Variants in PCDH7 observed in about 807,000 individuals in gnomAD.
PCDH7 encodes protocadherin 7, also known as protocadherin-7.
In PCDH7, 17 loss-of-function variants were observed where a neutral mutation model predicts 58.9. The observed-to-expected ratio is 0.29, with a 90% CI of 0.20 to 0.43. The LOEUF (loss-of-function observed/expected upper bound fraction) is 0.43. PCDH7 is among the 20% of genes least tolerant of loss of function. The probability of loss-of-function intolerance (pLI) is 1.00; values close to 1 mark genes in which losing one functional copy is unlikely to be tolerated. For missense variants in PCDH7, 1,274 were observed against 1,441.0 expected (o/e 0.88, Z 1.88); for synonymous variants, 664 against 616.4 (o/e 1.08, Z -1.14).
intron 1 of PCDH7, among the ~76,000 whole-genome samples, chr4:30,838,029 C>A (rs1000765414): frequency 1.3e-5 from 2 of 151,488 alleles, no homozygotes; most frequent in East Asian, 3.9e-4. Context: ...AGCGAAATAT[C>A]TTCTTCATCA....
chr4:31,130,345 T>A (rs1718826473), intron 3 of PCDH7, among the ~76,000 whole-genome samples: 1 of 152,150 alleles, frequency 6.6e-6, no homozygotes, highest in Non-Finnish European at 1.5e-5. Context: ...TGAAGTAGAA[T>A]TTTCAAAACT....
intron 2 of PCDH7, among the ~76,000 whole-genome samples, chr4:30,937,205 G>A (rs1181640975): frequency 6.6e-6 from 1 of 151,906 alleles, no homozygotes; most frequent in African/African-American, 2.4e-5. Flanking sequence ...AATATTCTCA[G>A]TAATGTTGGA....
chr4:30,749,297 T>C (rs1379599534), intron 1 of PCDH7, among the ~76,000 whole-genome samples: 2 of 152,224 alleles, frequency 1.3e-5, no homozygotes, highest in Admixed American at 6.6e-5. Context: ...ACTTTTTTCA[T>C]GGCACACATG....
intron 1 of PCDH7, among the ~76,000 whole-genome samples, chr4:30,836,139 A>C (rs1188689922): frequency 6.6e-6 from 1 of 152,212 alleles, no homozygotes; most frequent in Non-Finnish European, 1.5e-5. Flanking sequence ...GAGAGGGCAA[A>C]ACATGAAGAT....
chr4:30,770,572 G>C (rs1233394764), intron 1 of PCDH7, among the ~76,000 whole-genome samples: 1 of 152,178 alleles, frequency 6.6e-6, no homozygotes, highest in African/African-American at 2.4e-5. Context: ...ATTCACTGCA[G>C]TAACAGTAAC....
At chr4:31,034,734 T>C (rs1011884494) in intron 3 of PCDH7, among the ~76,000 whole-genome samples, 1 of 152,230 alleles carries the variant, frequency 6.6e-6, no homozygotes, top group Non-Finnish European at 1.5e-5. Flanking sequence ...TTCACTGACA[T>C]GGCAGACCCA....
chr4:30,898,277 G>T (rs1202889904), intron 1 of PCDH7, among the ~76,000 whole-genome samples: 2 of 152,100 alleles, frequency 1.3e-5, no homozygotes, highest in African/African-American at 4.8e-5. Flanking sequence ...TTTAAAACCC[G>T]AAGGAGTTTA....
rs538383279 is a variant in PCDH7 at position 31,048,867 on chromosome 4, G to C, written c.*8-93606G>C. The stretch of plus-strand genomic sequence containing the variant: ...ATTATATGAAAATGTTGTCATAGCA[G>C]AGCTCCACAATGTAAAAGGACAAAT... On this transcript the variant is annotated intron_variant, in intron 3 of 3. Coordinates refer to the PCDH7 transcript ENST00000509759. Among the ~76,000 whole-genome samples the C allele has an allele frequency of 8.5e-4, 129 of 152,184 alleles. 1 individual carries two copies. The highest frequency in any genetic ancestry group is 3.0e-3 in the African/African-American group (123 of 41,538).
intron 3 of PCDH7, among the ~76,000 whole-genome samples, chr4:31,096,172 A>G (rs1288131265): frequency 6.6e-6 from 1 of 152,200 alleles, no homozygotes; most frequent in African/African-American, 2.4e-5. Context: ...AATGATTTGC[A>G]TTATATGAAG....
intron 1 of PCDH7, chr4:30,725,151 T>C: frequency 1.0e-6 from 1 of 1,000,052 alleles, no homozygotes; most frequent in Non-Finnish European, 1.2e-6. Context: ...TTGATGAAAC[T>C]GCTGGTTTAA....
intron 3 of PCDH7, among the ~76,000 whole-genome samples, chr4:31,126,786 G>C (rs565850242): frequency 7.2e-5 from 11 of 152,110 alleles, no homozygotes; most frequent in Non-Finnish European, 1.0e-4. Flanking sequence ...AATTTTAAGT[G>C]TGCCATTTAA....
At chr4:30,761,921 C>G (rs1720080846) in intron 1 of PCDH7, among the ~76,000 whole-genome samples, 1 of 152,166 alleles carries the variant, frequency 6.6e-6, no homozygotes, top group South Asian at 2.1e-4. Context: ...TTTGATGTGA[C>G]CTCAGAGCAT....
At chr4:31,111,465 C>T (rs1208207744) in intron 3 of PCDH7, among the ~76,000 whole-genome samples, 3 of 152,022 alleles carry the variant, frequency 2.0e-5, no homozygotes, top group African/African-American at 7.2e-5. Context: ...CCCGCAACCA[C>T]ACCCAGATGA....
intron 3 of PCDH7, among the ~76,000 whole-genome samples, chr4:31,056,736 C>A (rs373043211): frequency 6.7e-6 from 1 of 149,632 alleles, no homozygotes; most frequent in Non-Finnish European, 1.5e-5. Flanking sequence ...GAAAGAGAAA[C>A]GAAAGCAAAG....
intron 1 of PCDH7, among the ~76,000 whole-genome samples, chr4:30,803,041 G>A (rs1041074103): frequency 6.6e-6 from 1 of 152,024 alleles, no homozygotes; most frequent in Non-Finnish European, 1.5e-5. Context: ...TTTATCAGGG[G>A]GATCAAAATT....
At chr4:31,102,775 T>A (rs1278806949) in intron 3 of PCDH7, among the ~76,000 whole-genome samples, 2 of 152,192 alleles carry the variant, frequency 1.3e-5, no homozygotes, top group African/African-American at 4.8e-5. Context: ...TACACATAAT[T>A]TGTACATGTA....
At chr4:30,922,604 T>C (rs1366682941) in intron 2 of PCDH7, among the ~76,000 whole-genome samples, 1 of 152,094 alleles carries the variant, frequency 6.6e-6, no homozygotes, top group African/African-American at 2.4e-5. Context: ...TAATAAAATA[T>C]AAAGTATACT....
intron 3 of PCDH7, among the ~76,000 whole-genome samples, chr4:31,056,514 A>G (rs899458747): frequency 2.0e-5 from 2 of 102,506 alleles, no homozygotes; most frequent in African/African-American, 3.9e-5. Context: ...AGAAAGAAAG[A>G]AAGGGGAAGG....
intron 2 of PCDH7, among the ~76,000 whole-genome samples, chr4:30,922,430 C>A (rs1392220986): frequency 1.3e-5 from 2 of 151,840 alleles, no homozygotes; most frequent in South Asian, 2.1e-4. Context: ...GCATTATAAT[C>A]ATTTTTTAAT....
Sources: allele counts gnomAD v4.1 joint callset (sites outside exome capture counted in the v4.1 genomes callset), GRCh38; gene constraint gnomAD v4.1.1; transcripts MANE v1.5; gene names NCBI Gene and HGNC (gene_info 2026-07-23, HGNC 2026-07-21).